ITGA10: variants seen among roughly 807,000 people sequenced by gnomAD.
ITGA10 encodes integrin subunit alpha 10, also known as integrin alpha-10.
In ITGA10, 105 loss-of-function variants were observed where a neutral mutation model predicts 145.2. That is an observed-to-expected ratio of 0.72 (90% CI 0.62 to 0.85). The LOEUF (loss-of-function observed/expected upper bound fraction) is 0.85, where lower values mean the gene tolerates loss of function less well. ITGA10 is among the 40% of genes least tolerant of loss of function. The probability of loss-of-function intolerance (pLI) is 0.00; values close to 1 mark genes in which losing one functional copy is unlikely to be tolerated. For missense variants in ITGA10, 1,317 were observed against 1,444.5 expected (o/e 0.91, Z 1.43); for synonymous variants, 506 against 557.8 (o/e 0.91, Z 1.31).
chr1:145,901,374 C>T lies in ITGA10; in HGVS notation c.1444-96G>A, dbSNP rs1656294532. On this transcript the variant is annotated intron_variant, in intron 12 of 29. Coordinates refer to ENST00000369304, the MANE Select transcript of ITGA10 (RefSeq NM_003637.5). This position sits in a 1 kb window ranked among gnomAD's most constrained non-coding sequence, Gnocchi z 4.3. ...AAGCACTCACCAGCCTGCTAGTCTG[C>T]TCCTTACATCCCTGACAGACTCTGC... 2.6e-6 allele frequency: 4 copies of T among 1,518,780 alleles called. No individual in the cohort carries two copies. The highest frequency in any genetic ancestry group is 3.6e-6 in the Non-Finnish European group (4 of 1,116,460). 94.1% of individuals were successfully genotyped at this position (1,518,780 alleles called of 1,614,324 possible). A position where few individuals can be genotyped will look rare whatever the true frequency, so the allele number is the denominator to read the frequency against.
At chr1:145,909,137 T>TA (rs112626164) in intron 1 of ITGA10, among the ~76,000 whole-genome samples, 192 of 142,216 alleles carry the variant, frequency 1.4e-3, no homozygotes, top group Middle Eastern at 3.6e-3. Flanking sequence ...ACTCTGTCTC[T>TA]AAAAAAAAAA....
chr1:145,908,788 T>C (rs1657482404), intron 1 of ITGA10, among the ~76,000 whole-genome samples: 1 of 152,160 alleles, frequency 6.6e-6, no homozygotes, highest in Non-Finnish European at 1.5e-5. Context: ...TCCAGAAAAC[T>C]GGCAGGGCTG....
In ITGA10 at chr1:145,893,276, T is replaced by G; in HGVS notation, c.3325-2A>C. 6.2e-7 allele frequency: 1 copy of G among 1,604,540 alleles called. No individual in the cohort carries two copies. Among genetic ancestry groups the G allele is most frequent in the Non-Finnish European group, 8.5e-7 (1 of 1,171,288 alleles). ...GGTCTGAACCACCTCCAAGAGGCTC[T>G]GCGTGGACAGAAGAGTAGTTTTCTA... On this transcript the variant is annotated splice_acceptor_variant, in intron 28 of 29. Transcript: ENST00000369304. LOFTEE classifies it high-confidence loss of function.
In ITGA10 at chr1:145,900,316, G is replaced by A. The variant is rs137962155; in HGVS notation, c.1792-129C>T. On this transcript the variant is annotated intron_variant, in intron 14 of 29. Coordinates refer to ENST00000369304, the MANE Select transcript of ITGA10 (RefSeq NM_003637.5). ...GAGTTTCACTCTTGTTGCCCAGGCT[G>A]GAGTGCAATGGTGTGATCTTGGCTC... 2.8e-4 allele frequency: 288 copies of A among 1,030,368 alleles called. 4 individuals carry two copies. The East Asian group carries it at 7.0e-3, about 25-fold the overall frequency. The allele number at this position is 1,030,368 out of a possible 1,614,324, so 63.8% of individuals were successfully genotyped here.
In ITGA10 at chr1:145,901,905, AG is replaced by A. The variant is rs782013321; in HGVS notation, c.1265del (p.Pro422LeufsTer50). 6.2e-6 allele frequency: 10 copies of A among 1,613,962 alleles called. No homozygotes were observed. The African/African-American group carries it at 8.0e-5, about 13-fold the overall frequency. On this transcript the variant is annotated frameshift_variant, in exon 11 of 30. Transcript: ENST00000369304. LOFTEE classifies it high-confidence loss of function. This position sits in a 1 kb window ranked among gnomAD's most constrained non-coding sequence, Gnocchi z 4.3. Reference sequence around the variant, plus strand: ...GGTAGGCTGCATGGTTCTGCAATGCAGGGGGGAACTCGTCTTCCAGTGCCAT... The same window carrying A: ...GGTAGGCTGCATGGTTCTGCAATGCAGGGGGAACTCGTCTTCCAGTGCCAT... ...PRMALEDEFP[P>X]ALQNHAAYLG...
intron 3 of ITGA10, 82 bp from the exon 4 acceptor site, chr1:145,906,906 G>C (rs1316126717): frequency 1.7e-6 from 2 of 1,208,526 alleles, no homozygotes; most frequent in African/African-American, 3.0e-5. Context: ...GGAGGAGAAT[G>C]AGCAGGGATT....
intron 27 of ITGA10, 61 bp from the exon 28 acceptor site, chr1:145,893,696 T>C: frequency 1.5e-6 from 2 of 1,339,092 alleles, no homozygotes; most frequent in Non-Finnish European, 2.1e-6. Context: ...ATATAGTTCT[T>C]TGGAATCCCA....
chr1:145,895,299 T>C lies in ITGA10; in HGVS notation c.3209A>G (p.His1070Arg), dbSNP rs1472204187. The change falls in exon 27 of 30, where the codon CAC becomes CGC. Residue 1070 changes from histidine (H) to arginine (R), a missense_variant. Transcript: ENST00000369304. ...GCTTACTCTTCGGAAAAATTCATTG[T>C]GAACCAGCCTCAATAGTCCAACAGA... ...EVSVGLLRLV[H>R]NEFFRRAKFK... 3 of 1,613,744 alleles carry C rather than the reference T, an allele frequency of 1.9e-6. No homozygotes were observed. In the African/African-American group the frequency reaches 4.0e-5, roughly 22 times the overall value.
intron 27 of ITGA10, among the ~76,000 whole-genome samples, chr1:145,894,324 A>T (rs1268143463): frequency 6.6e-6 from 1 of 151,838 alleles, no homozygotes; most frequent in Non-Finnish European, 1.5e-5. Flanking sequence ...GTTAGCCAGG[A>T]TGGTCTCGAT....
chr1:145,909,659 A>G (rs995747979), intron 1 of ITGA10, among the ~76,000 whole-genome samples: 21 of 136,180 alleles, frequency 1.5e-4, no homozygotes, highest in African/African-American at 5.3e-4. Context: ...ATAATATATA[A>G]TTGTTATATA....
chr1:145,893,334 AC>A, intron 28 of ITGA10, 60 bp from the exon 29 acceptor site: 2 of 1,226,616 alleles, frequency 1.6e-6, no homozygotes, highest in Non-Finnish European at 2.4e-6. Flanking sequence ...GCCTCACCCC[AC>A]ATTATATCAA....
rs370622307 is a variant in ITGA10 at position 145,901,687 on chromosome 1, A to G, written c.1295-23T>C. The G allele has an allele frequency of 3.7e-5, 57 of 1,541,940 alleles. No homozygotes were observed. The highest frequency in any genetic ancestry group is 4.9e-5 in the Non-Finnish European group (56 of 1,146,260). On this transcript the variant is annotated intron_variant, in intron 11 of 29. Transcript: ENST00000369304. This position sits in a 1 kb window ranked among gnomAD's most constrained non-coding sequence, Gnocchi z 4.3. ...AACCTAGAAGTGGGCAAAGTAACAG[A>G]GGTAAAGGAAAAGAAGATGGGGTCC... is the stretch of plus-strand genomic sequence containing the variant.
intron 3 of ITGA10, 69 bp downstream of exon 3, chr1:145,906,972 A>G: frequency 8.1e-7 from 1 of 1,228,542 alleles, no homozygotes; most frequent in Non-Finnish European, 1.2e-6. Flanking sequence ...AAGCTGAGGT[A>G]TAGGGAGTTG....
rs782236062 is a variant in ITGA10, at chr1:145,899,248, C to T, written c.2016G>A (p.Glu672=). 5 of 1,614,116 alleles carry T rather than the reference C, an allele frequency of 3.1e-6. No individual in the cohort carries two copies. The South Asian group carries it at 3.3e-5, about 11-fold the overall frequency. The change falls in exon 16 of 30, where the codon GAG becomes GAA. Residue 672 remains glutamate (E), a synonymous_variant. Coordinates refer to ENST00000369304, the MANE Select transcript of ITGA10 (RefSeq NM_003637.5). The part of the protein sequence containing the change: ...VQRDCRRRGQ[E]AVCLTAALCF... Reference sequence around the variant, plus strand: ...AAAGGGCTGCAGTCAGACAGACTGCCTCTTGGCCTCGCCGCCTACAGTCCC... The same window carrying T: ...AAAGGGCTGCAGTCAGACAGACTGCTTCTTGGCCTCGCCGCCTACAGTCCC...
At position 145,902,535 on chromosome 1, in the gene ITGA10, G is replaced by A. The variant is rs782235458; in HGVS notation, c.994C>T (p.Arg332Ter). 8 of 1,613,672 alleles carry A rather than the reference G, an allele frequency of 5.0e-6. No individual in the cohort carries two copies. The highest frequency in any genetic ancestry group is 6.8e-6 in the Non-Finnish European group (8 of 1,179,866). Residue 332 changes from arginine to a stop codon, truncating the protein, a stop_gained, in exon 9 of 30, where the codon CGA (arginine) becomes TGA (stop). Transcript: ENST00000369304. LOFTEE classifies it high-confidence loss of function. ...TCATCTGTGACATTGAAGAAGAATC[G>A]CTCATCTGGATCACTGGCAATAGTT... ...IRTIASDPDERFFFNVTDEAA... is the reference protein window; with the variant it reads ...IRTIASDPDE
Position 145,901,590 on chromosome 1 carries a change from G to T in ITGA10, c.1369C>A (p.Arg457=), listed in dbSNP as rs199638228. The T allele has an allele frequency of 1.2e-6, 2 of 1,606,946 alleles. No homozygotes were observed. The highest frequency in any genetic ancestry group is 1.7e-5 in the Admixed American group (1 of 58,198). ...FLSGAPRFRH[R]GKVIAFQLKK... is the part of the protein sequence containing the mutation. ...AGCTGGAAGGCGATGACTTTTCCTC[G>T]ATGTCTAAATCGAGGAGCCCCAGAG... The change falls in exon 12 of 30, where the codon CGA becomes AGA. Residue 457 remains arginine (R), a synonymous_variant. Transcript: ENST00000369304. This position sits in a 1 kb window ranked among gnomAD's most constrained non-coding sequence, Gnocchi z 4.3.
intron 15 of ITGA10, 129 bp from the exon 16 acceptor site, chr1:145,899,470 G>A (rs587714649): frequency 2.8e-5 from 27 of 966,406 alleles, no homozygotes; most frequent in African/African-American, 1.8e-4. Context: ...ACCCTCCCCC[G>A]AACCCTCTGA....
rs781906829 is a variant in ITGA10, at chr1:145,902,904, C to T, written c.816G>A (p.Val272=). 6.2e-7 allele frequency: 1 copy of T among 1,613,884 alleles called. No individual in the cohort carries two copies. Residue 272 remains valine (V), a synonymous_variant, in exon 8 of 30, where the codon GTG becomes GTA. Coordinates refer to ENST00000369304, the MANE Select transcript of ITGA10 (RefSeq NM_003637.5). ...GGRPEAARLL[V]VVTDGESHDG... ...CATGGGACTCTCCATCAGTGACAAC[C>T]ACCAGTAGCCTGGCAGCCTCGGGTC...
chr1:145,898,241 C>T lies in ITGA10; in HGVS notation c.2233-18G>A. On this transcript the variant is annotated intron_variant, in intron 17 of 29. Coordinates refer to ENST00000369304, the MANE Select transcript of ITGA10 (RefSeq NM_003637.5). Reference sequence around the variant, plus strand: ...GATGTATCCTGAAGGAAAACAGAGTCACAGAGTCACAGAGTCAAGGATCTT... The same window carrying T: ...GATGTATCCTGAAGGAAAACAGAGTTACAGAGTCACAGAGTCAAGGATCTT... 7.0e-7 allele frequency: 1 copy of T among 1,430,398 alleles called. No individual in the cohort carries two copies. The highest frequency in any genetic ancestry group is 1.1e-5 in the South Asian group (1 of 87,204). 88.6% of individuals were successfully genotyped at this position (1,430,398 alleles called of 1,614,324 possible). A position where few individuals can be genotyped will look rare whatever the true frequency, so the allele number is the denominator to read the frequency against.
Sources: gnomAD v4.1 joint callset for allele counts (sites outside exome capture counted in the v4.1 genomes callset) on GRCh38, gnomAD v4.1.1 for gene constraint, Gnocchi (gnomAD v3.1) non-coding constraint, MANE v1.5 for transcripts, NCBI Gene and HGNC (gene_info 2026-07-23, HGNC 2026-07-21) for gene names.